Variants in EIF2AK3 observed in about 807,000 individuals in gnomAD.
The protein encoded by EIF2AK3 is eukaryotic translation initiation factor 2 alpha kinase 3.
In EIF2AK3, 50 loss-of-function variants were observed where a neutral mutation model predicts 113.5. That is an observed-to-expected ratio of 0.44 (90% CI 0.35 to 0.56). The LOEUF (loss-of-function observed/expected upper bound fraction) is 0.56, where lower values mean the gene tolerates loss of function less well. EIF2AK3 is among the 20% of genes least tolerant of loss of function. The pLI is 0.00. For synonymous variants in EIF2AK3, 448 were observed against 495.4 expected, an observed-to-expected ratio of 0.90 and a Z score of 1.27; for missense variants, 1,185 against 1,378.0, an observed-to-expected ratio of 0.86 and a Z score of 2.22.
chr2:88,578,684 A>G (rs1674525032), intron 11 of EIF2AK3, among the ~76,000 whole-genome samples: 1 of 150,428 alleles, frequency 6.6e-6, no homozygotes, highest in African/African-American at 2.4e-5. Context: ...CCTGTCTCAA[A>G]AAAAAAAAAA....
intron 1 of EIF2AK3, among the ~76,000 whole-genome samples, chr2:88,614,298 A>G (rs1300507970): frequency 1.3e-5 from 2 of 152,170 alleles, no homozygotes; most frequent in Non-Finnish European, 2.9e-5. Context: ...AGAATGGGGT[A>G]AGTGGACTCC....
intron 1 of EIF2AK3, among the ~76,000 whole-genome samples, chr2:88,615,074 T>C (rs1263119988): frequency 6.6e-6 from 1 of 152,260 alleles, no homozygotes; most frequent in Non-Finnish European, 1.5e-5. Flanking sequence ...TCTTGGTGAC[T>C]GTGCTTCCTA....
At chr2:88,564,307 A>G (rs1378061460) in intron 14 of EIF2AK3, among the ~76,000 whole-genome samples, 1 of 152,198 alleles carries the variant, frequency 6.6e-6, no homozygotes, top group Non-Finnish European at 1.5e-5. Flanking sequence ...AAGATTGTAC[A>G]ATTCATACAG....
At chr2:88,596,649 A>G (rs140738440) in intron 2 of EIF2AK3, among the ~76,000 whole-genome samples, 1 of 152,258 alleles carries the variant, frequency 6.6e-6, no homozygotes, top group Non-Finnish European at 1.5e-5. Flanking sequence ...ATGGAAGCAT[A>G]CCCATCATGT....
intron 13 of EIF2AK3, among the ~76,000 whole-genome samples, 164 bp from the exon 14 acceptor site, chr2:88,571,205 T>C (rs1674299917): frequency 6.6e-6 from 1 of 152,236 alleles, no homozygotes; most frequent in South Asian, 2.1e-4. Context: ...AATTTTTCTG[T>C]GCCAGACAAG....
chr2:88,588,460 T>TTTAA (rs1432590977), intron 7 of EIF2AK3, among the ~76,000 whole-genome samples: 1 of 152,136 alleles, frequency 6.6e-6, no homozygotes, highest in Non-Finnish European at 1.5e-5. Context: ...AGTCTTAATA[T>TTTAA]AAGTATGTTA....
At chr2:88,591,517 T>C (rs1194121120) in intron 4 of EIF2AK3, among the ~76,000 whole-genome samples, 1 of 152,174 alleles carries the variant, frequency 6.6e-6, no homozygotes, top group African/African-American at 2.4e-5. Context: ...CTTAAATTCA[T>C]ACTAAAACAT....
chr2:88,595,904 T>TCTA (rs1218663956), intron 2 of EIF2AK3: 11 of 553,432 alleles, frequency 2.0e-5, no homozygotes, highest in Non-Finnish European at 6.5e-6. Context: ...AGTACTCTAG[T>TCTA]AAGATTTTTC....
At chr2:88,600,226 A>C (rs1291799383) in intron 2 of EIF2AK3, among the ~76,000 whole-genome samples, 2 of 152,228 alleles carry the variant, frequency 1.3e-5, no homozygotes, top group Non-Finnish European at 2.9e-5. Context: ...ATGTGAAAGC[A>C]GATGGAGCTT....
chr2:88,600,032 A>C (rs1364999266), intron 2 of EIF2AK3, among the ~76,000 whole-genome samples: 1 of 152,206 alleles, frequency 6.6e-6, no homozygotes, highest in Non-Finnish European at 1.5e-5. Flanking sequence ...TTAACTCAGT[A>C]AGTGCAAAAC....
At chr2:88,581,987 G>T (rs1056634107) in intron 10 of EIF2AK3, among the ~76,000 whole-genome samples, 2 of 152,128 alleles carry the variant, frequency 1.3e-5, no homozygotes, top group African/African-American at 4.8e-5. Context: ...TTCTCCCATA[G>T]CCAGTATTTA....
chr2:88,627,275 C>T lies in EIF2AK3; in HGVS notation c.-1G>A, dbSNP rs1389233694. ...GCCCCGGGCTGATGGCGCGCTCCAT[C>T]AGCGTCCCGCCCCGCGCGCAGGCAT... On this transcript the variant is annotated 5_prime_UTR_variant, in exon 1 of 17. Coordinates refer to ENST00000303236, the MANE Select transcript of EIF2AK3 (RefSeq NM_004836.7). 1 of 1,487,142 alleles carries T rather than the reference C, an allele frequency of 6.7e-7. No individual in the cohort carries two copies. Among genetic ancestry groups the T allele is most frequent in the South Asian group, 1.3e-5 (1 of 79,896 alleles). The allele number at this position is 1,487,142 out of a possible 1,614,324, so 92.1% of individuals were successfully genotyped here. A position where few individuals can be genotyped will look rare whatever the true frequency, so the allele number is the denominator to read the frequency against.
At chr2:88,597,524 C>G (rs1675047226) in intron 2 of EIF2AK3, among the ~76,000 whole-genome samples, 1 of 152,130 alleles carries the variant, frequency 6.6e-6, no homozygotes, top group African/African-American at 2.4e-5. Context: ...CCTTTCATCC[C>G]TGTCTTTTAG....
intron 2 of EIF2AK3, among the ~76,000 whole-genome samples, chr2:88,610,782 CGTGGTGGCTTAT>C (rs1675434948): frequency 6.6e-6 from 1 of 151,924 alleles, no homozygotes; most frequent in African/African-American, 2.4e-5. Context: ...TTAGGCTGGT[CGTGGTGGCTTAT>C]GCCTGTAATC....
rs6732073 is a variant in EIF2AK3, at chr2:88,612,588, C to A, written c.438+1136G>T. Among the ~76,000 whole-genome samples the A allele has an allele frequency of 9.7e-3, 1,473 of 152,282 alleles. 24 individuals carry two copies. Among genetic ancestry groups the A allele is most frequent in the African/African-American group, 0.032 (1,347 of 41,562 alleles). ...AGTCTACTCAGGGTTCAGCACACAG[C>A]AAATGTGGAAATTTGGCAGTGTTGT... On this transcript the variant is annotated intron_variant, in intron 2 of 16. Transcript: ENST00000303236.
At chr2:88,597,636 C>G (rs2104448566) in intron 2 of EIF2AK3, among the ~76,000 whole-genome samples, 2 of 152,288 alleles carry the variant, frequency 1.3e-5, no homozygotes, top group East Asian at 3.9e-4. Flanking sequence ...TTTCTTCTTT[C>G]TGGAACATCC....
intron 1 of EIF2AK3, among the ~76,000 whole-genome samples, chr2:88,615,222 C>T (rs1675541061): frequency 6.6e-6 from 1 of 152,238 alleles, no homozygotes; most frequent in African/African-American, 2.4e-5. Flanking sequence ...ACCGCCAACA[C>T]CTCCACTTAA....
chr2:88,622,895 AAG>A (rs1170924402), intron 1 of EIF2AK3, among the ~76,000 whole-genome samples: 6 of 152,342 alleles, frequency 3.9e-5, no homozygotes, highest in Non-Finnish European at 8.8e-5. Context: ...AGAGGAAAAA[AAG>A]AGAAATTATA....
chr2:88,612,587 G>A (rs986515897), intron 2 of EIF2AK3, among the ~76,000 whole-genome samples: 1 of 152,186 alleles, frequency 6.6e-6, no homozygotes, highest in Non-Finnish European at 1.5e-5. Context: ...TCAGCACACA[G>A]CAAATGTGGA....
Sources: allele counts gnomAD v4.1 joint callset (sites outside exome capture counted in the v4.1 genomes callset), GRCh38; gene constraint gnomAD v4.1.1; transcripts MANE v1.5; gene names NCBI Gene and HGNC (gene_info 2026-07-23, HGNC 2026-07-21).